The following SGSM3 variants were observed in gnomAD, a reference collection of about 807,000 sequenced individuals.
SGSM3 encodes the protein small G protein signaling modulator 3, also known as RUN and SH3 containing 3.
A neutral mutation model predicts 100.5 loss-of-function variants in SGSM3; 96 were observed. The observed-to-expected ratio is 0.96, with a 90% CI of 0.81 to 1.13. The LOEUF (loss-of-function observed/expected upper bound fraction) is 1.13. Ranked by LOEUF, SGSM3 falls within the 50% of genes most tolerant of loss-of-function variation. The probability of loss-of-function intolerance (pLI) is 0.00; values close to 1 mark genes in which losing one functional copy is unlikely to be tolerated. For missense variants in SGSM3, 1,001 were observed against 1,015.8 expected, an observed-to-expected ratio of 0.99 and a Z score of 0.20; for synonymous variants, 483 against 422.8, an observed-to-expected ratio of 1.14 and a Z score of -1.75.
rs778352291 is a variant in SGSM3 at position 40,409,801 on chromosome 22, G to A, written c.*42G>A. 4 of 1,587,474 alleles carry A rather than the reference G, an allele frequency of 2.5e-6. No homozygotes were observed. On this transcript the variant is annotated 3_prime_UTR_variant, in exon 22 of 22. Coordinates refer to ENST00000248929, the MANE Select transcript of SGSM3 (RefSeq NM_015705.6). ...CCAACCTCGGGCCTGCGTCTGAGGT[G>A]GCCCAGGACCCCAAGCTGCAGAGCC...
chr22:40,384,738 G>A (rs1426847707), intron 1 of SGSM3, among the ~76,000 whole-genome samples: 5 of 152,110 alleles, frequency 3.3e-5, no homozygotes, highest in South Asian at 2.1e-4. Flanking sequence ...CTGAGATAGC[G>A]CCATTGCACT....
intron 10 of SGSM3, 74 bp from the exon 11 acceptor site, chr22:40,406,943 A>G: frequency 2.2e-6 from 3 of 1,390,502 alleles, no homozygotes; most frequent in South Asian, 2.5e-5. Flanking sequence ...CAGATGAGAC[A>G]GTATAAGCCA....
chr22:40,406,267 A>AT (rs1451772141), intron 9 of SGSM3, 44 bp downstream of exon 9: 1 of 1,609,124 alleles, frequency 6.2e-7, no homozygotes, highest in African/African-American at 1.3e-5. Flanking sequence ...GGCACCCGAG[A>AT]TGGGGGGCAG....
At chr22:40,390,678 A>T (rs2049231910) in intron 1 of SGSM3, among the ~76,000 whole-genome samples, 1 of 152,220 alleles carries the variant, frequency 6.6e-6, no homozygotes, top group Non-Finnish European at 1.5e-5. Flanking sequence ...TATTAGTAAG[A>T]TATGTATAGA....
In SGSM3 at chr22:40,371,611, T is replaced by G. The variant is rs192065254; in HGVS notation, c.-112+923T>G. On this transcript the variant is annotated intron_variant, in intron 1 of 21. Coordinates refer to ENST00000248929, the MANE Select transcript of SGSM3 (RefSeq NM_015705.6). ...TTTCTTGCTCTTTTAGTTCCAATTA[T>G]CTCTGCACTCTAAACAGTTGAATTA... Among the ~76,000 whole-genome samples the G allele has an allele frequency of 1.3e-3, 205 of 152,360 alleles. 1 individual carries two copies. The highest frequency in any genetic ancestry group is 2.5e-3 in the Non-Finnish European group (169 of 68,032).
At chr22:40,380,850 G>C (rs551917952) in intron 1 of SGSM3, among the ~76,000 whole-genome samples, 6 of 152,140 alleles carry the variant, frequency 3.9e-5, no homozygotes, top group African/African-American at 1.4e-4. Flanking sequence ...TGGGAGGATT[G>C]CTTGAGCCTG....
intron 1 of SGSM3, among the ~76,000 whole-genome samples, chr22:40,381,452 A>G (rs917022092): frequency 2.0e-5 from 3 of 152,212 alleles, no homozygotes; most frequent in Non-Finnish European, 4.4e-5. Flanking sequence ...CCCGGCTACA[A>G]GGCATTTTAA....
chr22:40,408,574 T>G (rs1056728015), intron 16 of SGSM3, 53 bp from the exon 17 acceptor site: 1 of 1,608,500 alleles, frequency 6.2e-7, no homozygotes, highest in African/African-American at 1.3e-5. Flanking sequence ...CCCCAAGGGC[T>G]TTGAACCAGC....
intron 2 of SGSM3, among the ~76,000 whole-genome samples, chr22:40,401,299 G>A (rs2050730258): frequency 6.6e-6 from 1 of 151,978 alleles, no homozygotes. Context: ...TGTTGCCCAG[G>A]CTGGAGCGCA....
rs1351321574 is a variant in SGSM3, at chr22:40,407,672, T to C, written c.1524+104T>C. 2.5e-5 allele frequency: 40 copies of C among 1,581,328 alleles called. No individual in the cohort carries two copies. The highest frequency in any genetic ancestry group is 3.4e-5 in the Non-Finnish European group (39 of 1,155,830). Reference sequence around the variant, plus strand: ...CCCCTTTCCCTGCCAAGAGCTTCTCTTGTGAAGATGTAGGGGTCTTGGCCT... The same window carrying C: ...CCCCTTTCCCTGCCAAGAGCTTCTCCTGTGAAGATGTAGGGGTCTTGGCCT... On this transcript the variant is annotated intron_variant, in intron 13 of 21. Transcript: ENST00000248929. The surrounding 1 kb of genome is among the most constrained non-coding windows in gnomAD (Gnocchi z 4.7).
At chr22:40,406,850 G>A (rs1207240540) in intron 10 of SGSM3, 167 bp from the exon 11 acceptor site, 1 of 893,700 alleles carries the variant, frequency 1.1e-6, no homozygotes, top group Non-Finnish European at 1.8e-6. Flanking sequence ...CTCAGGTTCT[G>A]ATCCTGGCAC....
Position 40,405,783 on chromosome 22 carries a change from G to T in SGSM3, c.753G>T (p.Leu251=). 1 of 1,613,672 alleles carries T rather than the reference G, an allele frequency of 6.2e-7. No individual in the cohort carries two copies. Among genetic ancestry groups the T allele is most frequent in the Non-Finnish European group, 8.5e-7 (1 of 1,179,964 alleles). The change falls in exon 8 of 22, where the codon CTG becomes CTT. Residue 251 remains leucine (L), a synonymous_variant. Transcript: ENST00000248929. ...GTGTCCAGACTGACCAGCGGGTCCT[G>T]CGCCACCTCATTGTCCAGTACCTGC... ...LLGVQTDQRV[L]RHLIVQYLPR...
chr22:40,380,832 G>T (rs1258599425), intron 1 of SGSM3, among the ~76,000 whole-genome samples: 1 of 152,076 alleles, frequency 6.6e-6, no homozygotes, highest in Non-Finnish European at 1.5e-5. Context: ...CTCCTTGGGA[G>T]GCTGAGGTGG....
At chr22:40,375,355 G>A (rs554894440) in intron 1 of SGSM3, among the ~76,000 whole-genome samples, 58 of 152,266 alleles carry the variant, frequency 3.8e-4, no homozygotes, top group African/African-American at 1.2e-3. Context: ...CGAGGTAGGC[G>A]GATCACCTAA....
At chr22:40,405,913 G>A (rs947894027) in intron 8 of SGSM3, 69 bp downstream of exon 8, 70 of 1,518,270 alleles carry the variant, frequency 4.6e-5, no homozygotes, top group Middle Eastern at 1.9e-4. Flanking sequence ...GCCGAGTGGG[G>A]ATAGGGCACA....
chr22:40,386,032 T>G (rs552029113), intron 1 of SGSM3, among the ~76,000 whole-genome samples: 9 of 151,666 alleles, frequency 5.9e-5, no homozygotes, highest in Non-Finnish European at 1.2e-4. Flanking sequence ...TTTGTTTTTT[T>G]TTTTGTTTTT....
chr22:40,406,025 G>C, intron 8 of SGSM3, 53 bp from the exon 9 acceptor site: 1 of 1,594,826 alleles, frequency 6.3e-7, no homozygotes, highest in Non-Finnish European at 8.6e-7. Flanking sequence ...CAGTTCCGGG[G>C]AGGGAGGTTT....
chr22:40,401,285 C>T (rs2050726931), intron 2 of SGSM3, among the ~76,000 whole-genome samples: 1 of 151,958 alleles, frequency 6.6e-6, no homozygotes, highest in Non-Finnish European at 1.5e-5. Flanking sequence ...CAGAGTTTCG[C>T]TCTTGTTGCC....
rs1275412123 is a variant in SGSM3, at chr22:40,405,645, C to T, written c.619-4C>T. The T allele has an allele frequency of 9.9e-6, 16 of 1,610,964 alleles. 1 individual carries two copies. In the South Asian group the frequency reaches 1.7e-4, roughly 17 times the overall value. On this transcript the variant is annotated splice_region_variant and splice_polypyrimidine_tract_variant and intron_variant, in intron 7 of 21. Transcript: ENST00000248929. ...GAAGGCCCTTGTCCCTGTGCCCTGG[C>T]CAGGTGGCCGCCTGCCTCCTGCTGT...
Sources: allele counts gnomAD v4.1 joint callset (sites outside exome capture counted in the v4.1 genomes callset), GRCh38; gene constraint gnomAD v4.1.1; non-coding constraint Gnocchi (gnomAD v3.1); transcripts MANE v1.5; gene names NCBI Gene and HGNC (gene_info 2026-07-23, HGNC 2026-07-21).